Variants in ITCH observed in about 807,000 individuals in gnomAD.
The protein encoded by ITCH is itchy E3 ubiquitin protein ligase, also known as E3 ubiquitin-protein ligase Itchy homolog.
In ITCH, 28 loss-of-function variants were observed where a neutral mutation model predicts 126.8. The observed-to-expected ratio is 0.22, with a 90% CI of 0.16 to 0.30. ITCH has a LOEUF of 0.30. Among genes scored for constraint, ITCH ranks in the 10% least tolerant of loss-of-function variants. The pLI is 1.00. For missense variants in ITCH, 631 were observed against 1,032.4 expected (o/e 0.61, Z 5.33); for synonymous variants, 342 against 340.0 (o/e 1.01, Z -0.06).
At chr20:34,397,071 T>G (rs914196870) in intron 3 of ITCH, among the ~76,000 whole-genome samples, 2 of 152,134 alleles carry the variant, frequency 1.3e-5, no homozygotes, top group Non-Finnish European at 1.5e-5. Context: ...TCGCCCAGGC[T>G]GGAGTGCAGT....
intron 12 of ITCH, among the ~76,000 whole-genome samples, chr20:34,451,312 T>C (rs1468582299): frequency 6.6e-6 from 1 of 151,148 alleles, no homozygotes; most frequent in Non-Finnish European, 1.5e-5. Flanking sequence ...AAAAAGAAAT[T>C]AGCCAGGCAT....
Position 34,493,853 on chromosome 20 carries a change from T to C in ITCH, c.2416+1256T>C, listed in dbSNP as rs141493242. 7.9e-3 allele frequency among the ~76,000 whole-genome samples: 1,196 copies of C among 152,282 alleles called. 14 individuals are homozygous for C. The highest frequency in any genetic ancestry group is 0.027 in the African/African-American group (1,138 of 41,550). On this transcript the variant is annotated intron_variant, in intron 23 of 24. Transcript: ENST00000374864. ...GCAGTGACATTTGATGCTGTGAGAA[T>C]GTGTGGTCTTAGGCAGAAATAGAAT...
rs985087386 is a variant in ITCH at position 34,371,636 on chromosome 20, A to G, written c.-22+2166A>G. ...GAAGGAGATGGTGGAATGATTTGTG[A>G]TAGCTACTATAAAGCAATTTAAAAA... On this transcript the variant is annotated intron_variant, in intron 2 of 24. Transcript: ENST00000374864. 4.6e-5 allele frequency among the ~76,000 whole-genome samples: 7 copies of G among 152,224 alleles called. No individual in the cohort carries two copies. The South Asian group carries it at 1.5e-3, about 32-fold the overall frequency.
chr20:34,492,508 A>C lies in ITCH; in HGVS notation c.2327A>C (p.Lys776Thr), dbSNP rs1474462069. Residue 776 changes from lysine (K) to threonine (T), a missense_variant, in exon 23 of 25, where the codon AAA becomes ACA. By Grantham distance (78) the Lys-to-Thr change is moderately conservative. This residue lies in a region of ITCH where 390 missense variants were observed against 731.6 expected (regional missense o/e 0.53). Transcript: ENST00000374864. ...KQIMWFWQFV[K>T]EIDNEKRMRL... ...TAAATATACTTTTAACAGTTTGTTA[A>C]AGAAATTGATAATGAGAAGAGAATG... The C allele has an allele frequency of 6.3e-7, 1 of 1,592,976 alleles. No individual in the cohort carries two copies. The highest frequency in any genetic ancestry group is 1.1e-5 in the South Asian group (1 of 90,680).
At chr20:34,403,478 TAGAA>T (rs2038954188) in intron 3 of ITCH, among the ~76,000 whole-genome samples, 2 of 152,120 alleles carry the variant, frequency 1.3e-5, no homozygotes, top group African/African-American at 4.8e-5. Flanking sequence ...AGACAGAGAC[TAGAA>T]AGCAGGGAAA....
intron 7 of ITCH, among the ~76,000 whole-genome samples, chr20:34,437,988 G>A (rs1315726584): frequency 2.0e-5 from 3 of 152,170 alleles, no homozygotes; most frequent in African/African-American, 2.4e-5. Context: ...CTGAGCTGGG[G>A]GATATCAGGG....
At chr20:34,376,209 C>G (rs1224484431) in intron 2 of ITCH, among the ~76,000 whole-genome samples, 1 of 151,994 alleles carries the variant, frequency 6.6e-6, no homozygotes, top group African/African-American at 2.4e-5. Flanking sequence ...GAAGAAAGTT[C>G]TTACCCACGT....
chr20:34,433,405 G>A (rs779977332), intron 7 of ITCH, among the ~76,000 whole-genome samples: 1 of 152,204 alleles, frequency 6.6e-6, no homozygotes, highest in Admixed American at 6.5e-5. Flanking sequence ...TCCAGGCAGG[G>A]CATGGTGGCT....
At chr20:34,383,516 G>A (rs927475302) in intron 2 of ITCH, among the ~76,000 whole-genome samples, 16 of 151,204 alleles carry the variant, frequency 1.1e-4, no homozygotes, top group Admixed American at 2.6e-4. Context: ...ACAGGTATGC[G>A]CCACCACGCC....
chr20:34,424,023 G>A (rs1453153632), intron 6 of ITCH, among the ~76,000 whole-genome samples: 2 of 152,156 alleles, frequency 1.3e-5, no homozygotes, highest in African/African-American at 4.8e-5. Flanking sequence ...ATTCCCATTT[G>A]TGGCTTTCCT....
At chr20:34,461,762 A>G (rs1986537944) in intron 13 of ITCH, among the ~76,000 whole-genome samples, 1 of 147,934 alleles carries the variant, frequency 6.8e-6, no homozygotes, top group South Asian at 2.2e-4. Flanking sequence ...CAGAGAAAGG[A>G]TGGTGTTGGG....
chr20:34,471,294 C>G (rs1172638941), intron 15 of ITCH, 150 bp from the exon 16 acceptor site: 1 of 652,322 alleles, frequency 1.5e-6, no homozygotes, highest in African/African-American at 1.8e-5. Flanking sequence ...CTCACAGATG[C>G]ATTGGTAAAC....
At chr20:34,472,095 G>A (rs543556072) in intron 16 of ITCH, among the ~76,000 whole-genome samples, 12 of 152,118 alleles carry the variant, frequency 7.9e-5, no homozygotes, top group South Asian at 6.2e-4. Flanking sequence ...TAATTTACTC[G>A]CTGGGCACGG....
chr20:34,416,743 T>C (rs926871710), intron 6 of ITCH, among the ~76,000 whole-genome samples: 1 of 152,198 alleles, frequency 6.6e-6, no homozygotes, highest in African/African-American at 2.4e-5. Flanking sequence ...ATTTTAAAAC[T>C]AGCTGGCTTT....
chr20:34,400,788 C>G (rs148832373), intron 3 of ITCH, among the ~76,000 whole-genome samples: 1 of 151,588 alleles, frequency 6.6e-6, no homozygotes, highest in East Asian at 2.0e-4. Flanking sequence ...AACAGAGTCT[C>G]GCTCTGTCAC....
chr20:34,438,654 C>T (rs369188706), intron 8 of ITCH, 23 bp downstream of exon 8: 3 of 1,612,762 alleles, frequency 1.9e-6, no homozygotes, highest in Admixed American at 1.7e-5. Context: ...GCTCTCAATA[C>T]TCTTGGAAAT....
intron 7 of ITCH, among the ~76,000 whole-genome samples, chr20:34,426,800 T>C (rs947790787): frequency 1.3e-5 from 2 of 148,854 alleles, no homozygotes; most frequent in East Asian, 4.0e-4. Flanking sequence ...TTTGAGGTGT[T>C]GTCTCACTCT....
At chr20:34,419,005 T>C (rs1980374812) in intron 6 of ITCH, among the ~76,000 whole-genome samples, 1 of 152,080 alleles carries the variant, frequency 6.6e-6, no homozygotes, top group South Asian at 2.1e-4. Flanking sequence ...AGGTGGTCCA[T>C]GTGCCTTGGC....
chr20:34,428,713 C>G (rs1981891957), intron 7 of ITCH, among the ~76,000 whole-genome samples: 4 of 152,114 alleles, frequency 2.6e-5, no homozygotes, highest in Admixed American at 1.3e-4. Flanking sequence ...CCACCACGCC[C>G]AGCACATGTG....
Sources: allele counts gnomAD v4.1 joint callset (sites outside exome capture counted in the v4.1 genomes callset), GRCh38; gene constraint gnomAD v4.1.1; regional missense constraint gnomAD v4.1.1; transcripts MANE v1.5; gene names NCBI Gene and HGNC (gene_info 2026-07-23, HGNC 2026-07-21).